The following CA4 variants were observed in gnomAD, a reference collection of about 807,000 sequenced individuals.
CA4 encodes CA-IV.
Under a neutral mutation model 34.5 loss-of-function variants are expected in CA4, and 24 were observed. That is an observed-to-expected ratio of 0.70 (90% CI 0.50 to 0.98). The LOEUF (loss-of-function observed/expected upper bound fraction) is 0.98, where lower values mean the gene tolerates loss of function less well. Among genes scored for constraint, CA4 ranks in the 50% least tolerant of loss-of-function variants. The pLI is 0.00. For synonymous variants in CA4, 178 were observed against 170.6 expected (o/e 1.04, Z -0.34); for missense variants, 394 against 396.7 (o/e 0.99, Z 0.06).
In CA4 at chr17:60,157,364, A is replaced by G. The variant is rs1174248475; in HGVS notation, c.269-63A>G. The G allele has an allele frequency of 1.7e-5, 24 of 1,426,698 alleles. No homozygotes were observed. The African/African-American group carries it at 3.2e-4, about 19-fold the overall frequency. 88.4% of individuals were successfully genotyped at this position (1,426,698 alleles called of 1,614,324 possible). On this transcript the variant is annotated intron_variant, in intron 3 of 7. Transcript: ENST00000300900. The stretch of plus-strand genomic sequence containing the variant: ...AATGTCCCATCTGGGTGAAGCTGGG[A>G]TGAAGAGCTAGAGGAGGCTGAGGGA...
At chr17:60,176,615 T>C in the CA4 span, among the ~76,000 whole-genome samples, 2 of 152,152 alleles carry the variant, frequency 1.3e-5, no homozygotes, top group African/African-American at 4.8e-5. Flanking sequence ...CAATCCTCAG[T>C]TTACCACCTG....
At chr17:60,152,172 C>T (rs897832925) in intron 1 of CA4, among the ~76,000 whole-genome samples, 3 of 152,088 alleles carry the variant, frequency 2.0e-5, no homozygotes, top group South Asian at 4.2e-4. Context: ...CGCTGGACAC[C>T]GAGACCTCTG....
chr17:60,163,148 G>A (rs2083812341), downstream of CA4, among the ~76,000 whole-genome samples: 1 of 152,118 alleles, frequency 6.6e-6, no homozygotes, highest in South Asian at 2.1e-4. Flanking sequence ...GTAGGGGTGG[G>A]GGAGGAAGGT....
At chr17:60,167,712 C>T (rs1023365053) in intron 5 of CA4, among the ~76,000 whole-genome samples, 5 of 152,186 alleles carry the variant, frequency 3.3e-5, no homozygotes, top group South Asian at 2.1e-4. Context: ...GCTTGAACAG[C>T]GGTTTCCACA....
At chr17:60,163,911 AC>A (rs2083823529), downstream of CA4, among the ~76,000 whole-genome samples, 1 of 152,132 alleles carries the variant, frequency 6.6e-6, no homozygotes, top group African/African-American at 2.4e-5. Context: ...CGGGAGGATC[AC>A]TTGAGCCTGG....
At chr17:60,159,090 A>G (rs2083748496) in intron 7 of CA4, 140 bp from the exon 8 acceptor site, 1 of 748,940 alleles carries the variant, frequency 1.3e-6, no homozygotes, top group Non-Finnish European at 2.4e-6. Flanking sequence ...CATCTTCACG[A>G]CCACCTTGAG....
intron 5 of CA4, among the ~76,000 whole-genome samples, chr17:60,169,943 A>G (rs2083897836): frequency 6.6e-6 from 1 of 152,124 alleles, no homozygotes; most frequent in Non-Finnish European, 1.5e-5. Flanking sequence ...TAACATTTCC[A>G]CTACCATCCA....
downstream of CA4, among the ~76,000 whole-genome samples, chr17:60,162,546 T>TACAC (rs770876140): frequency 0.036 from 4,788 of 132,148 alleles, 85 homozygotes; most frequent in Middle Eastern, 0.061. Flanking sequence ...CTGCATGGGG[T>TACAC]ACACACACAC....
intron 5 of CA4, among the ~76,000 whole-genome samples, chr17:60,167,059 G>A (rs1287897436): frequency 6.6e-6 from 1 of 152,192 alleles, no homozygotes; most frequent in Non-Finnish European, 1.5e-5. Context: ...ACATTGTACT[G>A]CTTTTCTGAA....
intron 3 of CA4, 139 bp downstream of exon 3, chr17:60,156,854 A>G (rs1378794121): frequency 2.5e-6 from 2 of 798,948 alleles, no homozygotes; most frequent in African/African-American, 3.4e-5. Context: ...ATGGGGGAGG[A>G]CAGCTTCCAG....
intron 2 of CA4, 28 bp from the exon 3 acceptor site, chr17:60,156,532 T>C (rs1287449065): frequency 6.2e-7 from 1 of 1,613,632 alleles, no homozygotes; most frequent in Non-Finnish European, 8.5e-7. Context: ...GGCACCCGAC[T>C]CTCAGCCCAC....
chr17:60,159,554 C>G, downstream of CA4: 1 of 1,094,672 alleles, frequency 9.1e-7, no homozygotes, highest in Non-Finnish European at 1.3e-6. Context: ...AAACCTTTCT[C>G]AAGTGTGTTT....
At chr17:60,168,247 G>A (rs915153773) in intron 5 of CA4, among the ~76,000 whole-genome samples, 1 of 126,012 alleles carries the variant, frequency 7.9e-6, no homozygotes, top group African/African-American at 3.0e-5. Flanking sequence ...TTTTTTCGGG[G>A]GGGAGGAGGA....
intron 1 of CA4, among the ~76,000 whole-genome samples, chr17:60,153,789 G>A (rs1409412417): frequency 6.6e-6 from 1 of 152,228 alleles, no homozygotes; most frequent in Non-Finnish European, 1.5e-5. Context: ...CCACCCACAT[G>A]GGGGTGGTTC....
chr17:60,169,393 A>G (rs2083892611), intron 5 of CA4, among the ~76,000 whole-genome samples: 1 of 152,274 alleles, frequency 6.6e-6, no homozygotes, highest in South Asian at 2.1e-4. Flanking sequence ...TAAACTATCA[A>G]CGTAAACACA....
downstream of CA4, among the ~76,000 whole-genome samples, chr17:60,175,600 T>TG (rs2083954497): frequency 7.4e-6 from 1 of 135,456 alleles, no homozygotes; most frequent in Non-Finnish European, 1.6e-5. Flanking sequence ...ACCTAGGAGT[T>TG]GGAGTTTGCA....
At chr17:60,163,132 G>C (rs1341850292), downstream of CA4, among the ~76,000 whole-genome samples, 1 of 150,502 alleles carries the variant, frequency 6.6e-6, no homozygotes, top group East Asian at 2.0e-4. Flanking sequence ...GCTCTGATCT[G>C]ACAATGTAGG....
downstream of CA4, among the ~76,000 whole-genome samples, chr17:60,163,466 G>T (rs1055382276): frequency 6.6e-6 from 1 of 152,138 alleles, no homozygotes; most frequent in Non-Finnish European, 1.5e-5. Flanking sequence ...AGGCTGTCCC[G>T]GGCTCCTGCT....
At chr17:60,174,985 A>T (rs368266054), downstream of CA4, among the ~76,000 whole-genome samples, 16 of 152,252 alleles carry the variant, frequency 1.1e-4, no homozygotes, top group Admixed American at 4.6e-4. Flanking sequence ...GCATAGGGCC[A>T]TTCAGAAACT....
Sources: gnomAD v4.1 joint callset for allele counts (sites outside exome capture counted in the v4.1 genomes callset) on GRCh38, gnomAD v4.1.1 for gene constraint, MANE v1.5 for transcripts, NCBI Gene and HGNC (gene_info 2026-07-23, HGNC 2026-07-21) for gene names.